SSH2: variants seen among roughly 807,000 people sequenced by gnomAD.
The protein encoded by SSH2 is slingshot protein phosphatase 2.
SSH2 carries 37 observed loss-of-function variants against 135.2 expected under a neutral mutation model. The ratio of observed to expected loss-of-function variants is 0.27; its 90% confidence interval spans 0.21 to 0.36. The LOEUF is 0.36. Ranked by LOEUF, SSH2 falls within the 10% of genes least tolerant of loss-of-function variation. The probability of loss-of-function intolerance (pLI) is 1.00; values close to 1 mark genes in which losing one functional copy is unlikely to be tolerated. For synonymous variants in SSH2, 628 were observed against 646.2 expected, an observed-to-expected ratio of 0.97 and a Z score of 0.43; for missense variants, 1,408 against 1,765.3, an observed-to-expected ratio of 0.80 and a Z score of 3.63.
At chr17:29,744,860 A>AGAGTGTGTGTGT (rs1165435546) in intron 3 of SSH2, among the ~76,000 whole-genome samples, 1 of 140,540 alleles carries the variant, frequency 7.1e-6, no homozygotes, top group South Asian at 2.3e-4. Context: ...GGATTACTTG[A>AGAGTGTGTGTGT]GTGTGTGTGT....
intron 3 of SSH2, among the ~76,000 whole-genome samples, chr17:29,740,983 ACT>A (rs550680611): frequency 1.0e-3 from 156 of 152,188 alleles, no homozygotes; most frequent in African/African-American, 2.9e-3. Context: ...ATGCTCAAAA[ACT>A]CTCTGGGATA....
intron 4 of SSH2, among the ~76,000 whole-genome samples, chr17:29,701,238 CG>C (rs2038965705): frequency 6.6e-6 from 1 of 151,932 alleles, no homozygotes; most frequent in Admixed American, 6.6e-5. Flanking sequence ...CCCAAAGTGC[CG>C]GGATTACAGG....
chr17:29,676,722 C>A, intron 8 of SSH2, 98 bp downstream of exon 8: 6 of 980,992 alleles, frequency 6.1e-6, no homozygotes, highest in Non-Finnish European at 9.5e-6. Context: ...GATCATTTAG[C>A]ATTTTCATAG....
intron 3 of SSH2, among the ~76,000 whole-genome samples, chr17:29,747,545 T>G (rs1038088): frequency 0.46 from 69,453 of 152,016 alleles, 16,295 homozygotes; most frequent in Non-Finnish European, 0.51. Flanking sequence ...CTTTCCAAAT[T>G]ACAGGAACAC....
chr17:29,882,898 A>C (rs2066164951), intron 1 of SSH2: 1 of 152,274 alleles, frequency 6.6e-6, no homozygotes, highest in Non-Finnish European at 1.5e-5. Flanking sequence ...TCCTGGGCTC[A>C]AGCGATCCTC....
At chr17:29,912,097 G>C (rs531302478) in intron 1 of SSH2, among the ~76,000 whole-genome samples, 34 of 152,234 alleles carry the variant, frequency 2.2e-4, no homozygotes, top group African/African-American at 7.2e-4. Flanking sequence ...TTGGTTTCTG[G>C]GAAAATTTTT....
At chr17:29,697,444 A>G (rs1309819027) in intron 4 of SSH2, among the ~76,000 whole-genome samples, 1 of 152,224 alleles carries the variant, frequency 6.6e-6, no homozygotes, top group Non-Finnish European at 1.5e-5. Context: ...ATAGGTTGGC[A>G]AACGGGTTGG....
chr17:29,746,433 A>C (rs1172966009), intron 3 of SSH2, among the ~76,000 whole-genome samples: 1 of 150,906 alleles, frequency 6.6e-6, no homozygotes, highest in Non-Finnish European at 1.5e-5. Flanking sequence ...CTGTAATCCC[A>C]GCTACTAGGG....
At chr17:29,924,390 G>T (rs942122783) in intron 1 of SSH2, among the ~76,000 whole-genome samples, 1 of 152,116 alleles carries the variant, frequency 6.6e-6, no homozygotes, top group Non-Finnish European at 1.5e-5. Context: ...TAATTAGAAC[G>T]TGCATCTTAA....
At chr17:29,769,091 C>CTA (rs2041512076) in intron 3 of SSH2, among the ~76,000 whole-genome samples, 1 of 152,132 alleles carries the variant, frequency 6.6e-6, no homozygotes, top group Non-Finnish European at 1.5e-5. Flanking sequence ...TTTACATGCA[C>CTA]TATCTCAATT....
At chr17:29,901,254 T>C (rs1229029073) in intron 1 of SSH2, among the ~76,000 whole-genome samples, 1 of 152,288 alleles carries the variant, frequency 6.6e-6, no homozygotes, top group Non-Finnish European at 1.5e-5. Flanking sequence ...GTTGTGCACC[T>C]GTACCCTAAA....
intron 2 of SSH2, among the ~76,000 whole-genome samples, chr17:29,817,775 G>T (rs1026388801): frequency 6.6e-6 from 1 of 151,978 alleles, no homozygotes; most frequent in African/African-American, 2.4e-5. Flanking sequence ...TTATTTATTT[G>T]AGTAGGGGTC....
intron 14 of SSH2, chr17:29,641,738 C>T (rs1439368933): frequency 6.6e-6 from 1 of 152,138 alleles, no homozygotes; most frequent in East Asian, 1.9e-4. Flanking sequence ...ATGCATAAGT[C>T]GTCCCATTAT....
At chr17:29,727,083 C>A (rs921405231) in intron 3 of SSH2, among the ~76,000 whole-genome samples, 15 of 152,212 alleles carry the variant, frequency 9.9e-5, no homozygotes, top group African/African-American at 3.6e-4. Context: ...TAGGGAGGAA[C>A]AGCTGCAGAG....
chr17:29,770,092 G>GTTTTTTT (rs563803251), intron 3 of SSH2, among the ~76,000 whole-genome samples: 1 of 72,922 alleles, frequency 1.4e-5, no homozygotes, highest in African/African-American at 4.7e-5. Context: ...GCTATATTTA[G>GTTTTTTT]TTTTTTTTTT....
At chr17:29,834,018 T>C (rs909376112) in intron 2 of SSH2, among the ~76,000 whole-genome samples, 3 of 151,004 alleles carry the variant, frequency 2.0e-5, no homozygotes, top group Non-Finnish European at 4.4e-5. Flanking sequence ...TTGCTTTATG[T>C]TTTTTGTGTA....
chr17:29,630,858 A>AG lies in SSH2; in HGVS notation c.4335dup (p.Phe1446LeufsTer3). On this transcript the variant is annotated frameshift_variant, in exon 16 of 16. Transcript: ENST00000540801. LOFTEE classifies it high-confidence loss of function. ...GCTCAGAATCACATGGTATTATAGA[A>AG]GGGGTTGGTTGTCCGTTTTTTGTCA... 1 of 1,554,550 alleles carries AG rather than the reference A, an allele frequency of 6.4e-7. No individual in the cohort carries two copies. Among genetic ancestry groups the AG allele is most frequent in the Non-Finnish European group, 8.7e-7 (1 of 1,146,868 alleles).
In SSH2 at chr17:29,632,199, G is replaced by A. The variant is rs2035711090; in HGVS notation, c.2995C>T (p.Pro999Ser). ...FDHLPDPQEG[P>S]GSDTGTQQEG... ...TGCTGTGTTCCAGTATCTGACCCTG[G>A]GCCCTCCTGAGGATCTGGCAAGTGG... is the stretch of plus-strand genomic sequence containing the variant. Residue 999 changes from proline to serine, a missense_variant, in exon 16 of 16, where the codon CCA becomes TCA. Around this residue, in one of 3 missense-constraint regions of SSH2, gnomAD observed 1,080 missense variants for 1,144.5 expected, o/e 0.94. Coordinates refer to ENST00000540801, the MANE Select transcript of SSH2 (RefSeq NM_001282129.2). 2.5e-6 allele frequency: 4 copies of A among 1,613,894 alleles called. No individual in the cohort carries two copies. Among genetic ancestry groups the A allele is most frequent in the Non-Finnish European group, 3.4e-6 (4 of 1,179,946 alleles).
At chr17:29,675,452 C>T (rs1455137559) in intron 8 of SSH2, among the ~76,000 whole-genome samples, 3 of 152,082 alleles carry the variant, frequency 2.0e-5, no homozygotes, top group Non-Finnish European at 4.4e-5. Context: ...GAATCTTAGT[C>T]ACATCATTCT....
Sources: allele counts gnomAD v4.1 joint callset (sites outside exome capture counted in the v4.1 genomes callset), GRCh38; gene constraint gnomAD v4.1.1; regional missense constraint gnomAD v4.1.1; transcripts MANE v1.5; gene names NCBI Gene and HGNC (gene_info 2026-07-23, HGNC 2026-07-21).